SMAP1: variants seen among roughly 807,000 people sequenced by gnomAD.
The protein encoded by SMAP1 is small ArfGAP 1.
Under a neutral mutation model 58.5 loss-of-function variants are expected in SMAP1, and 24 were observed. The ratio of observed to expected loss-of-function variants is 0.41; its 90% CI spans 0.30 to 0.58. The LOEUF (loss-of-function observed/expected upper bound fraction) is 0.58. Ranked by LOEUF, SMAP1 falls within the 20% of genes least tolerant of loss-of-function variation. The pLI, the probability that SMAP1 is intolerant of heterozygous loss-of-function variation, is 0.29. For synonymous variants in SMAP1, 216 were observed against 196.6 expected (o/e 1.10, Z -0.82); for missense variants, 563 against 566.3 (o/e 0.99, Z 0.06).
chr6:70,852,618 C>T lies in SMAP1; in HGVS notation c.743C>T (p.Pro248Leu), dbSNP rs777353920. 9 of 1,609,778 alleles carry T rather than the reference C, an allele frequency of 5.6e-6. No homozygotes were observed. The highest frequency in any genetic ancestry group is 2.7e-5 in the African/African-American group (2 of 74,748). Residue 248 changes from proline (P) to leucine (L), a missense_variant, in exon 8 of 11, where the codon CCG becomes CTG. By Grantham distance (98) the Pro-to-Leu change is moderately conservative. This residue lies in a region of SMAP1 where 494 missense variants were observed against 473.8 expected (regional missense o/e 1.04). Transcript: ENST00000370455. ...PLNDDLDIFG[P>L]MISNPLPATV... ...AACGATGATCTGGACATCTTTGGAC[C>T]GATGATTTCTAATCCCTTACCTGCA...
chr6:70,678,394 T>A (rs1333006529), intron 1 of SMAP1, among the ~76,000 whole-genome samples: 1 of 152,222 alleles, frequency 6.6e-6, no homozygotes, highest in Non-Finnish European at 1.5e-5. Context: ...ATAGGAAAAA[T>A]TCATAAAAAT....
At chr6:70,701,172 C>G (rs1441998853) in intron 1 of SMAP1, among the ~76,000 whole-genome samples, 1 of 152,146 alleles carries the variant, frequency 6.6e-6, no homozygotes, top group Non-Finnish European at 1.5e-5. Flanking sequence ...CCTCCACCTC[C>G]TAGGCTCAAG....
intron 1 of SMAP1, among the ~76,000 whole-genome samples, chr6:70,696,601 G>C (rs2149823694): frequency 6.6e-6 from 1 of 152,268 alleles, no homozygotes; most frequent in Middle Eastern, 3.4e-3. Context: ...ATCATGGTCA[G>C]AGAAGATATT....
chr6:70,682,803 CGAGGTAGGCCGATCACTTGAG>C (rs1244118698), intron 1 of SMAP1, among the ~76,000 whole-genome samples: 1 of 152,040 alleles, frequency 6.6e-6, no homozygotes. Flanking sequence ...TTTGGGAGGC[CGAGGTAGGCCGATCACTTGAG>C]GTCATGAGTT....
intron 6 of SMAP1, among the ~76,000 whole-genome samples, chr6:70,816,451 T>G (rs1172900226): frequency 6.6e-6 from 1 of 152,128 alleles, no homozygotes; most frequent in South Asian, 2.1e-4. Flanking sequence ...GGGAGAGAGA[T>G]AATTGGAGCT....
rs1160479877 is a variant in SMAP1, at chr6:70,836,797, G to A, written c.577-144G>A. On this transcript the variant is annotated intron_variant, in intron 6 of 10. Coordinates refer to ENST00000370455, the MANE Select transcript of SMAP1 (RefSeq NM_001044305.3). Reference sequence around the variant, plus strand: ...AGTCATGTTCGCTTGTTTTGTATATGACAAATAATATTCTAGGTTTTATTA... The same window carrying A: ...AGTCATGTTCGCTTGTTTTGTATATAACAAATAATATTCTAGGTTTTATTA... 4 of 666,974 alleles carry A rather than the reference G, an allele frequency of 6.0e-6. No individual in the cohort carries two copies. The East Asian group carries it at 9.3e-5, about 15-fold the overall frequency. The allele number at this position is 666,974 out of a possible 1,614,324, so 41.3% of individuals were successfully genotyped here. A position where few individuals can be genotyped will look rare whatever the true frequency, so the allele number is the denominator to read the frequency against.
At chr6:70,819,550 C>T (rs1257605253) in intron 6 of SMAP1, among the ~76,000 whole-genome samples, 3 of 151,992 alleles carry the variant, frequency 2.0e-5, no homozygotes, top group East Asian at 1.9e-4. Context: ...TTTAATGGAG[C>T]GTTTCAGTCT....
chr6:70,809,921 T>G (rs1769313321), intron 6 of SMAP1, among the ~76,000 whole-genome samples: 1 of 152,176 alleles, frequency 6.6e-6, no homozygotes, highest in African/African-American at 2.4e-5. Flanking sequence ...AGGAAGCATT[T>G]TAGTGTTGCT....
chr6:70,791,632 A>G, intron 4 of SMAP1, 57 bp from the exon 5 acceptor site: 1 of 1,447,322 alleles, frequency 6.9e-7, no homozygotes, highest in Admixed American at 1.8e-5. Flanking sequence ...GTGCCTGTCA[A>G]TTCTCATTAC....
chr6:70,730,452 G>A (rs897230097), intron 1 of SMAP1, among the ~76,000 whole-genome samples: 5 of 152,214 alleles, frequency 3.3e-5, no homozygotes, highest in Non-Finnish European at 7.3e-5. Context: ...ACCTTAATGT[G>A]TAAGCTTCAA....
intron 6 of SMAP1, among the ~76,000 whole-genome samples, chr6:70,825,965 T>C (rs570798879): frequency 1.8e-4 from 27 of 152,336 alleles, no homozygotes; most frequent in African/African-American, 6.5e-4. Flanking sequence ...TGTGCATAAC[T>C]AGAGTATGAG....
At chr6:70,836,751 G>T (rs970427957) in intron 6 of SMAP1, among the ~76,000 whole-genome samples, 190 bp from the exon 7 acceptor site, 1 of 152,184 alleles carries the variant, frequency 6.6e-6, no homozygotes, top group Non-Finnish European at 1.5e-5. Flanking sequence ...AATATGTGAG[G>T]ATTGTCATTG....
At chr6:70,718,739 T>C (rs1768382436) in intron 1 of SMAP1, among the ~76,000 whole-genome samples, 1 of 147,710 alleles carries the variant, frequency 6.8e-6, no homozygotes, top group South Asian at 2.1e-4. Context: ...GAAAATCCCT[T>C]GAACCGGGAA....
intron 6 of SMAP1, among the ~76,000 whole-genome samples, chr6:70,829,426 G>T (rs1183511097): frequency 6.6e-6 from 1 of 151,908 alleles, no homozygotes; most frequent in African/African-American, 2.4e-5. Context: ...TTAAATTGCA[G>T]TTTTCTGTTA....
intron 1 of SMAP1, among the ~76,000 whole-genome samples, chr6:70,723,463 G>A (rs1768621218): frequency 6.6e-6 from 1 of 152,110 alleles, no homozygotes; most frequent in African/African-American, 2.4e-5. Context: ...CCAGATAGCT[G>A]CATGGTTTGT....
At chr6:70,741,403 T>C (rs1045344527) in intron 2 of SMAP1, among the ~76,000 whole-genome samples, 6 of 152,170 alleles carry the variant, frequency 3.9e-5, no homozygotes, top group African/African-American at 1.2e-4. Context: ...ATCCAGCAGG[T>C]CAGTCAAATC....
At chr6:70,721,700 C>G (rs1296156828) in intron 1 of SMAP1, among the ~76,000 whole-genome samples, 1 of 152,194 alleles carries the variant, frequency 6.6e-6, no homozygotes, top group Non-Finnish European at 1.5e-5. Flanking sequence ...ATTGGACTTA[C>G]AGTTCCACAT....
At chr6:70,788,001 G>A (rs769016933) in intron 4 of SMAP1, among the ~76,000 whole-genome samples, 6 of 152,006 alleles carry the variant, frequency 3.9e-5, no homozygotes, top group South Asian at 4.2e-4. Flanking sequence ...ACGTGCCCAC[G>A]TATGTTTATT....
intron 6 of SMAP1, among the ~76,000 whole-genome samples, chr6:70,814,162 A>C (rs974504773): frequency 2.0e-5 from 3 of 152,104 alleles, no homozygotes; most frequent in African/African-American, 7.2e-5. Context: ...TGTCTTTTAC[A>C]GTTGCCTCTT....
Sources: allele counts gnomAD v4.1 joint callset (sites outside exome capture counted in the v4.1 genomes callset), GRCh38; gene constraint gnomAD v4.1.1; regional missense constraint gnomAD v4.1.1; transcripts MANE v1.5; gene names NCBI Gene and HGNC (gene_info 2026-07-23, HGNC 2026-07-21).